C14orf132: variants seen among roughly 807,000 people sequenced by gnomAD.
C14orf132 encodes chromosome 14 open reading frame 132.
In C14orf132, 6 loss-of-function variants were observed where a neutral mutation model predicts 5.8. The observed-to-expected ratio is 1.03, with a 90% CI of 0.57 to 2.04. C14orf132 has a LOEUF of 2.04. Among genes scored for constraint, C14orf132 ranks in the 30% most tolerant of loss-of-function variants. The pLI is 0.00. For synonymous variants in C14orf132, 51 were observed against 49.8 expected, an observed-to-expected ratio of 1.02 and a Z score of -0.10; for missense variants, 125 against 115.8, an observed-to-expected ratio of 1.08 and a Z score of -0.37.
chr14:96,069,558 C>A (rs1159950193), intron 1 of C14orf132, among the ~76,000 whole-genome samples: 1 of 152,090 alleles, frequency 6.6e-6, no homozygotes, highest in Admixed American at 6.6e-5. Flanking sequence ...GTGCATGAAG[C>A]TGGACAACTG....
At chr14:96,053,327 C>G (rs1251884115) in intron 1 of C14orf132, among the ~76,000 whole-genome samples, 2 of 152,214 alleles carry the variant, frequency 1.3e-5, no homozygotes, top group Non-Finnish European at 2.9e-5. Context: ...ATTCCCTGCT[C>G]TCGCTAAGGG....
intron 1 of C14orf132, among the ~76,000 whole-genome samples, chr14:96,064,395 T>C (rs9671727): frequency 1.8e-3 from 126 of 71,684 alleles, no homozygotes; most frequent in South Asian, 3.9e-3. Flanking sequence ...CACACACACA[T>C]ATACATATAT....
At chr14:96,077,320 C>T (rs563556778) in intron 1 of C14orf132, among the ~76,000 whole-genome samples, 1 of 152,216 alleles carries the variant, frequency 6.6e-6, no homozygotes, top group East Asian at 1.9e-4. Context: ...AGTTGTTGCC[C>T]CCTCCCTCAA....
chr14:96,051,584 T>G (rs555929367), intron 1 of C14orf132, among the ~76,000 whole-genome samples: 2 of 152,260 alleles, frequency 1.3e-5, no homozygotes, highest in South Asian at 2.1e-4. Context: ...TCCAGCAGCT[T>G]TGAGGGACAC....
rs1887537426 is a variant in C14orf132 at position 96,066,652 on chromosome 14, AAGT to A, written c.28-19858_28-19856del. Among the ~76,000 whole-genome samples the A allele has an allele frequency of 2.6e-5, 4 of 152,232 alleles. No homozygotes were observed. The South Asian group carries it at 8.3e-4, about 32-fold the overall frequency. ...GTGCTAGGCACCGGGATTCAAAGAG[AAGT>A]TAGACTCAACCCGTATCCTACAAGT... On this transcript the variant is annotated intron_variant, in intron 1 of 1. Coordinates refer to ENST00000555004, the MANE Select transcript of C14orf132 (RefSeq NM_001252507.3).
chr14:96,064,357 CAT>C (rs71307131), intron 1 of C14orf132, among the ~76,000 whole-genome samples: 21 of 116,728 alleles, frequency 1.8e-4, no homozygotes, highest in South Asian at 3.1e-4. Flanking sequence ...AACTAGGGTG[CAT>C]ATATACACAC....
At chr14:96,075,291 A>G (rs1031241161) in intron 1 of C14orf132, among the ~76,000 whole-genome samples, 1 of 152,172 alleles carries the variant, frequency 6.6e-6, no homozygotes, top group Non-Finnish European at 1.5e-5. Context: ...TATTAGTTAT[A>G]TGATGTTTTG....
chr14:96,070,487 C>T (rs1397117643), intron 1 of C14orf132, among the ~76,000 whole-genome samples: 1 of 151,948 alleles, frequency 6.6e-6, no homozygotes, highest in Non-Finnish European at 1.5e-5. Context: ...AAATGCAAGT[C>T]CTTAGGGAGG....
chr14:96,055,217 G>A (rs1027818152), intron 1 of C14orf132, among the ~76,000 whole-genome samples: 1 of 152,176 alleles, frequency 6.6e-6, no homozygotes, highest in Non-Finnish European at 1.5e-5. Flanking sequence ...GGAGCAGCCC[G>A]GGTGGGTTCC....
intron 1 of C14orf132, among the ~76,000 whole-genome samples, chr14:96,073,323 A>G (rs1444867604): frequency 1.3e-5 from 2 of 152,150 alleles, no homozygotes; most frequent in East Asian, 3.8e-4. Flanking sequence ...CAGATCTTTT[A>G]CCTATTTTTA....
chr14:96,039,667 C>A lies in C14orf132; in HGVS notation c.27+140C>A. 1 of 892,328 alleles carries A rather than the reference C, an allele frequency of 1.1e-6. No homozygotes were observed. The allele number at this position is 892,328 out of a possible 1,614,324, so 55.3% of individuals were successfully genotyped here. On this transcript the variant is annotated intron_variant, in intron 1 of 1. Transcript: ENST00000555004. This position sits in a 1 kb window ranked among gnomAD's most constrained non-coding sequence, Gnocchi z 5.3. ...CCGGTCCTTTGTCCCGAGCCGGACA[C>A]CCCCACTTGGTGCACGCGTCGGGGG...
chr14:96,081,402 T>C (rs1180266726), intron 1 of C14orf132, among the ~76,000 whole-genome samples: 1 of 152,182 alleles, frequency 6.6e-6, no homozygotes, highest in African/African-American at 2.4e-5. Context: ...CACGAGGCAA[T>C]GTTGGCCCTG....
rs557932030 is a variant in C14orf132 at position 96,070,083 on chromosome 14, A to G, written c.28-16428A>G. ...TGTACTAAGCCAGGTAGATTTACTG[A>G]AATGCATCCCCAGACCTCACCTCCA... On this transcript the variant is annotated intron_variant, in intron 1 of 1. Coordinates refer to ENST00000555004, the MANE Select transcript of C14orf132 (RefSeq NM_001252507.3). 2.0e-5 allele frequency among the ~76,000 whole-genome samples: 3 copies of G among 152,316 alleles called. No homozygotes were observed. In the East Asian group the frequency reaches 5.8e-4, roughly 29 times the overall value.
chr14:96,055,384 G>C (rs1887151889), intron 1 of C14orf132, among the ~76,000 whole-genome samples: 2 of 152,058 alleles, frequency 1.3e-5, no homozygotes. Context: ...GCCCCAGAGG[G>C]GACACTGTCT....
intron 1 of C14orf132, among the ~76,000 whole-genome samples, chr14:96,084,550 A>G (rs548471751): frequency 4.6e-5 from 7 of 152,296 alleles, no homozygotes; most frequent in African/African-American, 1.7e-4. Flanking sequence ...TTACACTTAT[A>G]ATTGTATTTT....
chr14:96,039,448 C>G lies in C14orf132; in HGVS notation c.-53C>G. ...CCCCGCCAACTGTGCAGGCGGCTGA[C>G]CCGCAGCGGCAGCGGCAGCAGCGAG... On this transcript the variant is annotated 5_prime_UTR_variant, in exon 1 of 2. Transcript: ENST00000555004. The surrounding 1 kb of genome is among the most constrained non-coding windows in gnomAD (Gnocchi z 5.3). 1 of 1,475,240 alleles carries G rather than the reference C, an allele frequency of 6.8e-7. No individual in the cohort carries two copies. The highest frequency in any genetic ancestry group is 1.4e-5 in the African/African-American group (1 of 69,118). The allele number at this position is 1,475,240 out of a possible 1,614,324, so 91.4% of individuals were successfully genotyped here. A position where few individuals can be genotyped will look rare whatever the true frequency, so the allele number is the denominator to read the frequency against.
intron 1 of C14orf132, among the ~76,000 whole-genome samples, chr14:96,085,129 C>A (rs1193700052): frequency 1.3e-5 from 2 of 152,196 alleles, no homozygotes; most frequent in Non-Finnish European, 2.9e-5. Context: ...GCTTATCCAC[C>A]TGTAAAATGG....
At chr14:96,058,002 C>T (rs915777368) in intron 1 of C14orf132, among the ~76,000 whole-genome samples, 5 of 152,194 alleles carry the variant, frequency 3.3e-5, no homozygotes, top group African/African-American at 4.8e-5. Context: ...CTGGGCTCTC[C>T]GTTGAACGTG....
intron 1 of C14orf132, among the ~76,000 whole-genome samples, chr14:96,068,147 T>C (rs1887588778): frequency 6.6e-6 from 1 of 152,204 alleles, no homozygotes; most frequent in African/African-American, 2.4e-5. Context: ...GTAGCAAATC[T>C]TTCCCTTAAC....
Sources: gnomAD v4.1 joint callset for allele counts (sites outside exome capture counted in the v4.1 genomes callset) on GRCh38, gnomAD v4.1.1 for gene constraint, Gnocchi (gnomAD v3.1) non-coding constraint, MANE v1.5 for transcripts, NCBI Gene and HGNC (gene_info 2026-07-23, HGNC 2026-07-21) for gene names.